TASOR2: variants seen among roughly 807,000 people sequenced by gnomAD.
TASOR2 encodes protein TASOR 2.
In TASOR2, 84 loss-of-function variants were observed where a neutral mutation model predicts 199.5. The observed-to-expected ratio is 0.42, with a 90% confidence interval of 0.35 to 0.50. The LOEUF (loss-of-function observed/expected upper bound fraction) is 0.50, where lower values mean the gene tolerates loss of function less well. Ranked by LOEUF, TASOR2 falls within the 20% of genes least tolerant of loss-of-function variation. The probability of loss-of-function intolerance (pLI) is 0.02; values close to 1 mark genes in which losing one functional copy is unlikely to be tolerated. For missense variants in TASOR2, 2,796 were observed against 2,835.9 expected, an observed-to-expected ratio of 0.99 and a Z score of 0.32; for synonymous variants, 1,103 against 1,046.6, an observed-to-expected ratio of 1.05 and a Z score of -1.04.
chr10:5,759,004 CTGTG>C lies in TASOR2; in HGVS notation c.6992+16_6992+19del, dbSNP rs1248268086. The C allele has an allele frequency of 6.3e-7, 1 of 1,585,058 alleles. No individual in the cohort carries two copies. The highest frequency in any genetic ancestry group is 1.1e-5 in the South Asian group (1 of 90,466). On this transcript the variant is annotated intron_variant, in intron 18 of 20. Transcript: ENST00000328090. ...AAAGAAGATGAAAGGTAAGGACTTGCTGTGTGTATGGTTCCTCCTGCCCTGCTGG... is the reference window on the plus strand; with the variant it reads ...AAAGAAGATGAAAGGTAAGGACTTGCTGTATGGTTCCTCCTGCCCTGCTGG...
At position 5,748,872 on chromosome 10, in the gene TASOR2, T is replaced by C; in HGVS notation, c.5451T>C (p.Gly1817=). Residue 1817 remains glycine, a synonymous_variant, in exon 15 of 21, where the codon GGT becomes GGC. Transcript: ENST00000328090. The surrounding 1 kb of genome is among the most constrained non-coding windows in gnomAD (Gnocchi z 5.1). ...CCCTAGGCAGAGATGGAGAGGTCGG[T>C]GTGAATTCCGACATGCACTATGAAC... 6.2e-7 allele frequency: 1 copy of C among 1,614,172 alleles called. No homozygotes were observed. The highest frequency in any genetic ancestry group is 8.5e-7 in the Non-Finnish European group (1 of 1,180,014).
rs1248754208 is a variant in TASOR2, at chr10:5,748,484, G to C, written c.5063G>C (p.Gly1688Ala). ...TTTCAAGCACAGGAAATACCAGCAG[G>C]CAGAATGGCCAGTTTGCTTAAGAAT... The change falls in exon 15 of 21, where the codon GGC becomes GCC. Residue 1688 changes from glycine (G) to alanine (A), a missense_variant. Coordinates refer to ENST00000328090, the Ensembl canonical transcript of TASOR2. This position sits in a 1 kb window ranked among gnomAD's most constrained non-coding sequence, Gnocchi z 5.1. The C allele has an allele frequency of 6.2e-7, 1 of 1,613,910 alleles. No individual in the cohort carries two copies. The highest frequency in any genetic ancestry group is 1.3e-5 in the African/African-American group (1 of 74,918).
chr10:5,723,716 T>C lies in TASOR2; in HGVS notation c.186T>C (p.Ser62=), dbSNP rs528034281. The stretch of plus-strand genomic sequence containing the variant: ...ATTTTAAATATGTAATGAAAGTGTC[T>C]TCCTTGAAAAAAAGACTACCAGAGG... The change falls in exon 7 of 21, where the codon TCT becomes TCC. Residue 62 remains serine (S), a synonymous_variant. Transcript: ENST00000328090. 7 of 1,602,690 alleles carry C rather than the reference T, an allele frequency of 4.4e-6. No individual in the cohort carries two copies. The South Asian group carries it at 6.7e-5, about 15-fold the overall frequency.
intron 1 of TASOR2, among the ~76,000 whole-genome samples, chr10:5,696,641 A>G (rs1451020985): frequency 2.6e-5 from 4 of 152,192 alleles, no homozygotes; most frequent in African/African-American, 9.7e-5. Context: ...GGTGTGAGCC[A>G]CTGGTGCCTG....
chr10:5,754,738 CT>C lies in TASOR2; in HGVS notation c.6607-1873del, dbSNP rs1169892363. ...TAACAAATGTGCAAAGGTAAAACTA[CT>C]TGTCAACTGAGAAAGTGGACACGGC... is the stretch of plus-strand genomic sequence containing the variant. On this transcript the variant is annotated intron_variant, in intron 15 of 20. Transcript: ENST00000328090. This position sits in a 1 kb window ranked among gnomAD's most constrained non-coding sequence, Gnocchi z 4.3. Among the ~76,000 whole-genome samples the C allele has an allele frequency of 6.6e-6, 1 of 152,130 alleles. No individual in the cohort carries two copies. Among genetic ancestry groups the C allele is most frequent in the Non-Finnish European group, 1.5e-5 (1 of 68,016 alleles).
At chr10:5,761,661 C>T in intron 19 of TASOR2, 190 bp downstream of exon 20, 1 of 586,834 alleles carries the variant, frequency 1.7e-6, no homozygotes, top group Non-Finnish European at 3.0e-6. Context: ...ACTACACAAT[C>T]CTCCTATGTA....
chr10:5,688,458 G>A (rs561152260), intron 1 of TASOR2, among the ~76,000 whole-genome samples: 54 of 126,714 alleles, frequency 4.3e-4, no homozygotes, highest in Non-Finnish European at 7.4e-4. Flanking sequence ...AGCTAGTCTC[G>A]AACTGCTGGC....
chr10:5,736,126 G>A (rs1008141870), intron 12 of TASOR2, among the ~76,000 whole-genome samples: 1 of 152,024 alleles, frequency 6.6e-6, no homozygotes, highest in Admixed American at 6.5e-5. Context: ...TTTTTTTACA[G>A]AGACCAGGTT....
At position 5,737,021 on chromosome 10, in the gene TASOR2, AC is replaced by A. The variant is rs1440144662; in HGVS notation, c.1447+1476del. ...TGTCACCAGGCTGGAGTGCAGTAGCACGATCTCGGCTCACTGCAACCTCTGC... is the reference window on the plus strand; with the variant it reads ...TGTCACCAGGCTGGAGTGCAGTAGCAGATCTCGGCTCACTGCAACCTCTGC... On this transcript the variant is annotated intron_variant, in intron 12 of 20. Transcript: ENST00000328090. The surrounding 1 kb of genome is among the most constrained non-coding windows in gnomAD (Gnocchi z 4.9). Among the ~76,000 whole-genome samples the A allele has an allele frequency of 2.6e-5, 4 of 152,270 alleles. No individual in the cohort carries two copies. Among genetic ancestry groups the A allele is most frequent in the Admixed American group, 2.6e-4 (4 of 15,284 alleles).
At chr10:5,715,131 G>A (rs570821410) in intron 2 of TASOR2, among the ~76,000 whole-genome samples, 1 of 151,952 alleles carries the variant, frequency 6.6e-6, no homozygotes, top group Non-Finnish European at 1.5e-5. Context: ...CACGAAGAGG[G>A]GTATTTTTTA....
chr10:5,723,764 CT>C lies in TASOR2; in HGVS notation c.236del (p.Leu79TrpfsTer17). Reference sequence around the variant, plus strand: ...AGGCTGCCTTCAGAAAACAGAATTACTTGGAGGAGAAAGGTCTGTTGAAATG... The same window carrying C: ...AGGCTGCCTTCAGAAAACAGAATTACTGGAGGAGAAAGGTCTGTTGAAATG... On this transcript the variant is annotated frameshift_variant, in exon 7 of 21. Transcript: ENST00000328090. LOFTEE classifies it high-confidence loss of function. 6.3e-7 allele frequency: 1 copy of C among 1,580,800 alleles called. No individual in the cohort carries two copies. Among genetic ancestry groups the C allele is most frequent in the Non-Finnish European group, 8.6e-7 (1 of 1,159,102 alleles).
At chr10:5,686,315 G>T (rs1257056333) in intron 1 of TASOR2, among the ~76,000 whole-genome samples, 1 of 152,134 alleles carries the variant, frequency 6.6e-6, no homozygotes, top group Non-Finnish European at 1.5e-5. Context: ...TGTTAAAATG[G>T]GTTAAAATCG....
chr10:5,742,022 C>CT lies in TASOR2; in HGVS notation c.2328-73dup, dbSNP rs1836503587. On this transcript the variant is annotated intron_variant, in intron 13 of 20. Transcript: ENST00000328090. The surrounding 1 kb of genome is among the most constrained non-coding windows in gnomAD (Gnocchi z 4.2). ...CAAAAACTAAGGAATATTGGAGGCACTTGCTTATGATAAGGTAATCAACTA... is the reference window on the plus strand; with the variant it reads ...CAAAAACTAAGGAATATTGGAGGCACTTTGCTTATGATAAGGTAATCAACTA... 1 of 1,418,048 alleles carries CT rather than the reference C, an allele frequency of 7.1e-7. No individual in the cohort carries two copies. The highest frequency in any genetic ancestry group is 2.2e-5 in the Admixed American group (1 of 45,156). 87.8% of individuals were successfully genotyped at this position (1,418,048 alleles called of 1,614,324 possible).
chr10:5,729,448 C>CCCA (rs1347567484), intron 10 of TASOR2, among the ~76,000 whole-genome samples: 1 of 152,214 alleles, frequency 6.6e-6, no homozygotes, highest in Non-Finnish European at 1.5e-5. Context: ...CGCCTGTAAT[C>CCCA]CCAGCACTCC....
Position 5,693,808 on chromosome 10 carries a change from A to G in TASOR2, c.-288+8633A>G, listed in dbSNP as rs145659645. Reference sequence around the variant, plus strand: ...AAAACTACCTGTACTTGTCCCATCCAAAGATAACTTCATAGAATATTTGAT... The same window carrying G: ...AAAACTACCTGTACTTGTCCCATCCGAAGATAACTTCATAGAATATTTGAT... On this transcript the variant is annotated intron_variant, in intron 1 of 20. Transcript: ENST00000328090. Among the ~76,000 whole-genome samples the G allele has an allele frequency of 1.3e-3, 194 of 152,372 alleles. 3 individuals are homozygous for G. In the East Asian group the frequency reaches 0.026, roughly 21 times the overall value.
chr10:5,699,399 G>T lies in TASOR2; in HGVS notation c.-287-13424G>T, dbSNP rs900076338. The T allele has an allele frequency of 1.3e-5, 2 of 152,152 alleles. No homozygotes were observed. Among genetic ancestry groups the T allele is most frequent in the African/African-American group, 4.8e-5 (2 of 41,446 alleles). The allele number at this position is 152,152 out of a possible 1,614,324, so 9.4% of individuals were successfully genotyped here. A position where few individuals can be genotyped will look rare whatever the true frequency, so the allele number is the denominator to read the frequency against. ...TGAAAATACTCTAAAATTGATTGTG[G>T]TGAAGGTTGCACAATTCTGTGGATA... On this transcript the variant is annotated intron_variant, in intron 1 of 20. Coordinates refer to ENST00000328090, the Ensembl canonical transcript of TASOR2. This position sits in a 1 kb window ranked among gnomAD's most constrained non-coding sequence, Gnocchi z 4.1.
intron 2 of TASOR2, among the ~76,000 whole-genome samples, chr10:5,716,352 TGG>T (rs1832630384): frequency 6.6e-6 from 1 of 152,118 alleles, no homozygotes; most frequent in Non-Finnish European, 1.5e-5. Context: ...AGTTTTTGGG[TGG>T]ACATAATTAT....
At position 5,761,092 on chromosome 10, in the gene TASOR2, G is replaced by T. The variant is rs961180874; in HGVS notation, c.6993-198G>T. On this transcript the variant is annotated intron_variant, in intron 18 of 20. Transcript: ENST00000328090. Reference sequence around the variant, plus strand: ...TGCATGATGTCCCTCTTAGAATGAGGCCCATGTTTAAAATCCACATTTACA... The same window carrying T: ...TGCATGATGTCCCTCTTAGAATGAGTCCCATGTTTAAAATCCACATTTACA... 1.3e-5 allele frequency: 7 copies of T among 535,628 alleles called. No individual in the cohort carries two copies. The Admixed American group carries it at 1.7e-4, about 13-fold the overall frequency. The allele number at this position is 535,628 out of a possible 1,614,324, so 33.2% of individuals were successfully genotyped here. A position where few individuals can be genotyped will look rare whatever the true frequency, so the allele number is the denominator to read the frequency against.
At chr10:5,756,509 G>T in intron 15 of TASOR2, 104 bp from the exon 17 acceptor site, 2 of 1,082,204 alleles carry the variant, frequency 1.8e-6, no homozygotes, top group Non-Finnish European at 2.6e-6. Flanking sequence ...GTCATTTATG[G>T]TTGCCTTATT....
Sources: allele counts gnomAD v4.1 joint callset (sites outside exome capture counted in the v4.1 genomes callset), GRCh38; gene constraint gnomAD v4.1.1; non-coding constraint Gnocchi (gnomAD v3.1); transcripts MANE v1.5; gene names NCBI Gene and HGNC (gene_info 2026-07-23, HGNC 2026-07-21).